Variants in VWC2 observed in about 807,000 individuals in gnomAD.
VWC2 encodes brorin.
A neutral mutation model predicts 29.8 loss-of-function variants in VWC2; 14 were observed. The observed-to-expected ratio is 0.47, with a 90% CI of 0.31 to 0.74. VWC2 has a LOEUF of 0.74. Among genes scored for constraint, VWC2 ranks in the 30% least tolerant of loss-of-function variants. The pLI, the probability that VWC2 is intolerant of heterozygous loss-of-function variation, is 0.05. For synonymous variants in VWC2, 213 were observed against 199.0 expected (o/e 1.07, Z -0.59); for missense variants, 457 against 459.8 (o/e 0.99, Z 0.05).
At chr7:49,792,762 G>T (rs772911430) in intron 2 of VWC2, among the ~76,000 whole-genome samples, 1 of 152,136 alleles carries the variant, frequency 6.6e-6, no homozygotes, top group Non-Finnish European at 1.5e-5. Context: ...GCCAGATGTT[G>T]GAGTCACTGC....
chr7:49,823,510 C>T (rs1410430391), intron 3 of VWC2, among the ~76,000 whole-genome samples: 2 of 152,144 alleles, frequency 1.3e-5, no homozygotes, highest in East Asian at 3.8e-4. Context: ...GTGGAGCTAG[C>T]TGGGATCCCT....
At chr7:49,793,196 A>T (rs1464749792) in intron 2 of VWC2, among the ~76,000 whole-genome samples, 1 of 152,160 alleles carries the variant, frequency 6.6e-6, no homozygotes, top group Non-Finnish European at 1.5e-5. Flanking sequence ...TTCATAAATG[A>T]CCTTTGATAT....
rs1226229022 is a variant in VWC2 at position 49,919,884 on chromosome 7, T to C, written c.*7699T>C. ...ATAAAGGAGCTTGATACAAAAATCATTATGTTCTATATATGTTTTTGTAGG... is the reference window on the plus strand; with the variant it reads ...ATAAAGGAGCTTGATACAAAAATCACTATGTTCTATATATGTTTTTGTAGG... On this transcript the variant is annotated 3_prime_UTR_variant, in exon 4 of 4. Coordinates refer to ENST00000340652, the MANE Select transcript of VWC2 (RefSeq NM_198570.5). The C allele has an allele frequency of 1.3e-5, 2 of 152,206 alleles. No individual in the cohort carries two copies. The highest frequency in any genetic ancestry group is 2.9e-5 in the Non-Finnish European group (2 of 68,042). The allele number at this position is 152,206 out of a possible 1,614,324, so 9.4% of individuals were successfully genotyped here.
At chr7:49,894,160 TTTTC>T (rs55679567) in intron 3 of VWC2, among the ~76,000 whole-genome samples, 4 of 149,920 alleles carry the variant, frequency 2.7e-5, no homozygotes, top group Non-Finnish European at 4.5e-5. Flanking sequence ...AGGCTTTTTC[TTTTC>T]TTTCTTTCTT....
chr7:49,846,788 C>T (rs948558643), intron 3 of VWC2, among the ~76,000 whole-genome samples: 2 of 152,176 alleles, frequency 1.3e-5, no homozygotes, highest in African/African-American at 4.8e-5. Context: ...CATACATTTT[C>T]CCTCCTTTAT....
chr7:49,867,511 T>C (rs1790950761), intron 3 of VWC2, among the ~76,000 whole-genome samples: 1 of 152,202 alleles, frequency 6.6e-6, no homozygotes, highest in African/African-American at 2.4e-5. Flanking sequence ...GTATGTCTCA[T>C]GTGCTGACAT....
Position 49,914,806 on chromosome 7 carries a change from C to T in VWC2, c.*2621C>T, listed in dbSNP as rs1036540720. The T allele has an allele frequency of 6.6e-6, 1 of 152,094 alleles. No homozygotes were observed. Among genetic ancestry groups the T allele is most frequent in the Non-Finnish European group, 1.5e-5 (1 of 68,018 alleles). 9.4% of individuals were successfully genotyped at this position (152,094 alleles called of 1,614,324 possible). On this transcript the variant is annotated 3_prime_UTR_variant, in exon 4 of 4. Transcript: ENST00000340652. Reference sequence around the variant, plus strand: ...CAATAAAAAAGGAAAGTATAAGTTACTCAATTTCAAAATAATATGGTTTGG... The same window carrying T: ...CAATAAAAAAGGAAAGTATAAGTTATTCAATTTCAAAATAATATGGTTTGG...
At chr7:49,874,499 T>A (rs1791312165) in intron 3 of VWC2, among the ~76,000 whole-genome samples, 1 of 151,948 alleles carries the variant, frequency 6.6e-6, no homozygotes, top group Non-Finnish European at 1.5e-5. Context: ...TCACAAAACA[T>A]CACATTTCTC....
At chr7:49,806,074 T>A (rs886678122) in intron 3 of VWC2, among the ~76,000 whole-genome samples, 1 of 152,160 alleles carries the variant, frequency 6.6e-6, no homozygotes, top group Admixed American at 6.6e-5. Flanking sequence ...GGATGTTGCA[T>A]GGCATTATTT....
chr7:49,823,190 G>A (rs1025648763), intron 3 of VWC2, among the ~76,000 whole-genome samples: 3 of 152,164 alleles, frequency 2.0e-5, no homozygotes, highest in Non-Finnish European at 4.4e-5. Context: ...TCTCTGAATG[G>A]TAGGATATCA....
At chr7:49,789,332 TGC>T (rs879680887) in intron 2 of VWC2, among the ~76,000 whole-genome samples, 10,159 of 141,644 alleles carry the variant, frequency 0.072, 1,023 homozygotes, top group African/African-American at 0.24. Flanking sequence ...TGTGTGTGGG[TGC>T]GTGTGAGTGT....
At chr7:49,814,951 C>T (rs1789101901) in intron 3 of VWC2, among the ~76,000 whole-genome samples, 1 of 152,232 alleles carries the variant, frequency 6.6e-6, no homozygotes, top group African/African-American at 2.4e-5. Flanking sequence ...TCAGAAGCCA[C>T]AGTCCTAATC....
At chr7:49,875,438 G>GAA (rs142568255) in intron 3 of VWC2, among the ~76,000 whole-genome samples, 2 of 127,676 alleles carry the variant, frequency 1.6e-5, no homozygotes, top group South Asian at 2.5e-4. Flanking sequence ...TTAAAAATAG[G>GAA]AAAAAAAAAA....
At chr7:49,903,967 A>T (rs1383836944) in intron 3 of VWC2, among the ~76,000 whole-genome samples, 1 of 152,162 alleles carries the variant, frequency 6.6e-6, no homozygotes, top group Non-Finnish European at 1.5e-5. Context: ...GTTGGATCAG[A>T]TGTGACATTT....
rs1308382394 is a variant in VWC2 at position 49,920,016 on chromosome 7, T to C, written c.*7831T>C. 1 of 152,182 alleles carries C rather than the reference T, an allele frequency of 6.6e-6. No homozygotes were observed. The highest frequency in any genetic ancestry group is 2.4e-5 in the African/African-American group (1 of 41,448). The allele number at this position is 152,182 out of a possible 1,614,324, so 9.4% of individuals were successfully genotyped here. On this transcript the variant is annotated 3_prime_UTR_variant, in exon 4 of 4. Transcript: ENST00000340652. The stretch of plus-strand genomic sequence containing the variant: ...TATTGAAGCCAAGAAAGTAAATGTC[T>C]TTAAAATAAACATAATGGTGTTTTT...
intron 3 of VWC2, among the ~76,000 whole-genome samples, chr7:49,905,019 C>T (rs1420555619): frequency 1.3e-5 from 2 of 152,102 alleles, no homozygotes. Flanking sequence ...GAGGTGTGAG[C>T]CATCGTGCCA....
intron 1 of VWC2, among the ~76,000 whole-genome samples, chr7:49,774,887 T>G (rs561022566): frequency 6.6e-6 from 1 of 152,332 alleles, no homozygotes; most frequent in Admixed American, 6.5e-5. Flanking sequence ...AGAGTTTCCC[T>G]CTTATCTTCC....
intron 3 of VWC2, among the ~76,000 whole-genome samples, chr7:49,837,833 G>A (rs1299427664): frequency 1.3e-5 from 2 of 152,150 alleles, no homozygotes; most frequent in Non-Finnish European, 2.9e-5. Flanking sequence ...AAGATGTGTT[G>A]CCTAGGAGGA....
chr7:49,826,059 C>T (rs1415367997), intron 3 of VWC2, among the ~76,000 whole-genome samples: 2 of 152,128 alleles, frequency 1.3e-5, no homozygotes, highest in African/African-American at 4.8e-5. Flanking sequence ...TGACAAAAAC[C>T]CACCACAGGC....
Sources: gnomAD v4.1 joint callset for allele counts (sites outside exome capture counted in the v4.1 genomes callset) on GRCh38, gnomAD v4.1.1 for gene constraint, MANE v1.5 for transcripts, NCBI Gene and HGNC (gene_info 2026-07-23, HGNC 2026-07-21) for gene names.